Variants in OR3A2 observed in about 807,000 individuals in gnomAD.
The protein encoded by OR3A2 is olfactory receptor family 3 subfamily A member 2.
For synonymous variants in OR3A2, 126 were observed against 159.3 expected (o/e 0.79, Z 1.57); for missense variants, 318 against 392.8 (o/e 0.81, Z 1.61).
intron 1 of OR3A2, among the ~76,000 whole-genome samples, chr17:3,385,711 A>G (rs2049771755): frequency 6.6e-6 from 1 of 152,222 alleles, no homozygotes; most frequent in Non-Finnish European, 1.5e-5. Flanking sequence ...CCACTACGCT[A>G]GAACACTCTT....
chr17:3,292,378 G>A (rs771085179), intron 3 of OR3A2: 9 of 1,614,114 alleles, frequency 5.6e-6, no homozygotes, highest in Non-Finnish European at 7.6e-6. Flanking sequence ...AGCACTGATA[G>A]GTTCCCCAGG....
rs1287071115 is a variant in OR3A2 at position 3,382,219 on chromosome 17, C to T, written c.-179+1585G>A. On this transcript the variant is annotated intron_variant, in intron 2 of 4. Coordinates refer to the OR3A2 transcript ENST00000573491. ...AGCTCTGGATGTGTGGCTGAGCCAC[C>T]GGCACTCTATCTAACAGGCAACGGG... Among the ~76,000 whole-genome samples, 4 of 152,078 alleles carry T rather than the reference C, an allele frequency of 2.6e-5. No homozygotes were observed. The East Asian group carries it at 7.7e-4, about 29-fold the overall frequency.
At chr17:3,369,493 T>C (rs930228822) in intron 2 of OR3A2, among the ~76,000 whole-genome samples, 2 of 152,242 alleles carry the variant, frequency 1.3e-5, no homozygotes, top group African/African-American at 4.8e-5. Context: ...ATTGAGATGA[T>C]CATAAGATTT....
chr17:3,317,630 TG>T (rs1414787688), intron 3 of OR3A2, among the ~76,000 whole-genome samples: 1 of 152,134 alleles, frequency 6.6e-6, no homozygotes, highest in East Asian at 1.9e-4. Context: ...AAAATAGGAA[TG>T]GGAATCATAC....
At chr17:3,347,021 A>G (rs1265120987) in intron 2 of OR3A2, among the ~76,000 whole-genome samples, 2 of 152,050 alleles carry the variant, frequency 1.3e-5, no homozygotes, top group South Asian at 2.1e-4. Context: ...TCTCTCTTTG[A>G]TATATTGATT....
chr17:3,321,808 C>G (rs1043455399), intron 3 of OR3A2, among the ~76,000 whole-genome samples: 15 of 152,066 alleles, frequency 9.9e-5, no homozygotes, highest in Admixed American at 4.6e-4. Flanking sequence ...ATTTTTGCAT[C>G]AATGTTCATC....
intron 2 of OR3A2, among the ~76,000 whole-genome samples, chr17:3,350,525 A>T (rs931666429): frequency 2.8e-4 from 43 of 152,236 alleles, no homozygotes; most frequent in Non-Finnish European, 4.9e-4. Context: ...GGGAGCTGAA[A>T]TTGTGGCAAT....
chr17:3,331,701 T>G (rs989243796), intron 3 of OR3A2, among the ~76,000 whole-genome samples: 1 of 151,798 alleles, frequency 6.6e-6, no homozygotes, highest in African/African-American at 2.4e-5. Flanking sequence ...GTCTGAAGCC[T>G]TCTTCTCTCA....
intron 3 of OR3A2, among the ~76,000 whole-genome samples, chr17:3,313,120 G>C (rs2049057353): frequency 6.6e-6 from 1 of 152,300 alleles, no homozygotes; most frequent in African/African-American, 2.4e-5. Flanking sequence ...GCAATCCAGA[G>C]AGAAATAATA....
chr17:3,291,739 T>G, intron 3 of OR3A2: 1 of 1,613,800 alleles, frequency 6.2e-7, no homozygotes, highest in Non-Finnish European at 8.5e-7. Context: ...TTGATGACAG[T>G]GTTGAAAATT....
At chr17:3,307,180 G>T (rs1486043755) in intron 3 of OR3A2, among the ~76,000 whole-genome samples, 1 of 152,188 alleles carries the variant, frequency 6.6e-6, no homozygotes, top group East Asian at 1.9e-4. Flanking sequence ...TGGCCCCAGG[G>T]ACTCATAGGC....
chr17:3,348,460 C>T (rs1455671527), intron 2 of OR3A2, among the ~76,000 whole-genome samples: 12 of 151,852 alleles, frequency 7.9e-5, no homozygotes, highest in Admixed American at 2.6e-4. Context: ...TGAAATGAAG[C>T]GAGAAGGGAA....
intron 2 of OR3A2, among the ~76,000 whole-genome samples, chr17:3,359,924 A>G (rs1055336811): frequency 2.0e-5 from 3 of 151,788 alleles, no homozygotes; most frequent in African/African-American, 7.3e-5. Context: ...ATATTCCTTC[A>G]GGTATATACC....
intron 3 of OR3A2, among the ~76,000 whole-genome samples, chr17:3,303,941 T>TAC (rs2048984001): frequency 6.8e-6 from 1 of 146,028 alleles, no homozygotes; most frequent in Admixed American, 6.9e-5. Context: ...ATATTATATA[T>TAC]ATATATTAGA....
chr17:3,347,742 T>C (rs1283635008), intron 2 of OR3A2, among the ~76,000 whole-genome samples: 1 of 152,224 alleles, frequency 6.6e-6, no homozygotes, highest in Non-Finnish European at 1.5e-5. Context: ...TGATTTATAG[T>C]CCTTTGGGTA....
chr17:3,362,681 T>A (rs2049528580), intron 2 of OR3A2, among the ~76,000 whole-genome samples: 1 of 151,752 alleles, frequency 6.6e-6, no homozygotes, highest in Admixed American at 6.6e-5. Context: ...ATGTACCCAG[T>A]AGTCATTCAG....
At chr17:3,361,817 C>T (rs1288057110) in intron 2 of OR3A2, among the ~76,000 whole-genome samples, 2 of 151,486 alleles carry the variant, frequency 1.3e-5, no homozygotes, top group Non-Finnish European at 2.9e-5. Flanking sequence ...ATTCGGTTTG[C>T]CAGTATTTTA....
At chr17:3,368,174 C>T (rs980803820) in intron 2 of OR3A2, among the ~76,000 whole-genome samples, 1 of 152,148 alleles carries the variant, frequency 6.6e-6, no homozygotes, top group Non-Finnish European at 1.5e-5. Flanking sequence ...TTTTCTCCCA[C>T]TCTGTGGGTT....
At chr17:3,337,333 G>A (rs933067961) in intron 2 of OR3A2, among the ~76,000 whole-genome samples, 1 of 152,098 alleles carries the variant, frequency 6.6e-6, no homozygotes, top group South Asian at 2.1e-4. Context: ...GTGCAGGTTT[G>A]TTATATATGT....
Sources: gnomAD v4.1 joint callset for allele counts (sites outside exome capture counted in the v4.1 genomes callset) on GRCh38, gnomAD v4.1.1 for gene constraint, MANE v1.5 for transcripts, NCBI Gene and HGNC (gene_info 2026-07-23, HGNC 2026-07-21) for gene names.